ECHS1: variants seen among roughly 807,000 people sequenced by gnomAD.
ECHS1 encodes enoyl-CoA hydratase, short chain 1, also known as enoyl-CoA hydratase, mitochondrial.
In ECHS1, 19 loss-of-function variants were observed where a neutral mutation model predicts 33.5. The ratio of observed to expected loss-of-function variants is 0.57; its 90% confidence interval spans 0.40 to 0.83. The LOEUF is 0.83. ECHS1 is among the 40% of genes least tolerant of loss of function. The probability of loss-of-function intolerance (pLI) is 0.00; values close to 1 mark genes in which losing one functional copy is unlikely to be tolerated. For synonymous variants in ECHS1, 158 were observed against 146.6 expected, an observed-to-expected ratio of 1.08 and a Z score of -0.56; for missense variants, 365 against 381.3, an observed-to-expected ratio of 0.96 and a Z score of 0.36.
chr10:133,366,495 G>C (rs1024465691), intron 5 of ECHS1, among the ~76,000 whole-genome samples: 1 of 152,274 alleles, frequency 6.6e-6, no homozygotes, highest in Non-Finnish European at 1.5e-5. Context: ...CGTACATACA[G>C]TACTTCAAAA....
intron 1 of ECHS1, 136 bp from the exon 2 acceptor site, chr10:133,370,893 A>C: frequency 2.7e-6 from 2 of 742,010 alleles, no homozygotes; most frequent in Non-Finnish European, 4.2e-6. Context: ...CCGAGTCCTC[A>C]GTGGCTCCAG....
chr10:133,368,841 T>G, intron 4 of ECHS1, 82 bp downstream of exon 4: 1 of 1,319,758 alleles, frequency 7.6e-7, no homozygotes, highest in Non-Finnish European at 1.1e-6. Context: ...TCTGGTCAGA[T>G]ATGAGCTGTG....
In ECHS1 at chr10:133,368,841, T is replaced by C. The variant is rs3761858; in HGVS notation, c.514+82A>G. 0.013 allele frequency: 17,677 copies of C among 1,319,682 alleles called. 1,039 individuals are homozygous for C. In the African/African-American group the frequency reaches 0.16, roughly 12 times the overall value. 81.7% of individuals were successfully genotyped at this position (1,319,682 alleles called of 1,614,324 possible). ...TGTCCATCCAGGGCCTCTGGTCAGA[T>C]ATGAGCTGTGGGCCCTGAGACACAG... is the stretch of plus-strand genomic sequence containing the variant. On this transcript the variant is annotated intron_variant, in intron 4 of 7. Transcript: ENST00000368547.
chr10:133,362,518 G>T lies in ECHS1; in HGVS notation c.*350C>A. The T allele has an allele frequency of 2.8e-6, 1 of 356,012 alleles. No individual in the cohort carries two copies. The highest frequency in any genetic ancestry group is 5.2e-6 in the Non-Finnish European group (1 of 191,478). The allele number at this position is 356,012 out of a possible 1,614,324, so 22.1% of individuals were successfully genotyped here. On this transcript the variant is annotated 3_prime_UTR_variant, in exon 8 of 8. Transcript: ENST00000368547. ...ATCGCTATCACTTTAATCAGCATCTGTATGAAGGCAGCAGACAGCGTTTCC... is the reference window on the plus strand; with the variant it reads ...ATCGCTATCACTTTAATCAGCATCTTTATGAAGGCAGCAGACAGCGTTTCC...
At chr10:133,362,968 C>A (rs372224994) in intron 7 of ECHS1, 35 bp from the exon 8 acceptor site, 2 of 1,610,194 alleles carry the variant, frequency 1.2e-6, no homozygotes, top group Non-Finnish European at 1.7e-6. Context: ...GAGCTGGACG[C>A]GCAGTATCCT....
chr10:133,366,037 T>G lies in ECHS1; in HGVS notation c.678A>C (p.Ala226=). ...TTTTAGAATTGCTGGCAATTTTTTC[T>G]GCACACTGGATGGCTTCTTCCACCA... ...ETLVEEAIQC[A]EKIASNSKIV... Residue 226 remains alanine (A), a synonymous_variant, in exon 6 of 8, where the codon GCA becomes GCC. Coordinates refer to ENST00000368547, the MANE Select transcript of ECHS1 (RefSeq NM_004092.4). The G allele has an allele frequency of 6.2e-7, 1 of 1,614,048 alleles. No individual in the cohort carries two copies. The highest frequency in any genetic ancestry group is 8.5e-7 in the Non-Finnish European group (1 of 1,180,016).
chr10:133,368,866 G>A, intron 4 of ECHS1, 57 bp downstream of exon 4: 2 of 1,524,894 alleles, frequency 1.3e-6, no homozygotes, highest in Non-Finnish European at 1.8e-6. Flanking sequence ...CTGAGACACA[G>A]GCAGATTTTG....
intron 1 of ECHS1, 57 bp from the exon 2 acceptor site, chr10:133,370,814 G>A: frequency 6.5e-7 from 1 of 1,544,426 alleles, no homozygotes; most frequent in African/African-American, 1.4e-5. Flanking sequence ...ACTGGGGAGA[G>A]TGGGGGAAGG....
chr10:133,367,323 C>CA lies in ECHS1; in HGVS notation c.515-331dup, dbSNP rs551775980. On this transcript the variant is annotated intron_variant, in intron 4 of 7. Transcript: ENST00000368547. ...AATTAGATATAGAGATGATCATGGA[C>CA]ATTATCAATCATTAGTATAAACATT... 6.6e-3 allele frequency among the ~76,000 whole-genome samples: 950 copies of CA among 144,720 alleles called. 55 individuals carry two copies. The highest frequency in any genetic ancestry group is 0.026 in the African/African-American group (881 of 34,538). 94.9% of individuals were successfully genotyped at this position (144,720 alleles called of 152,430 possible).
At chr10:133,371,209 G>A (rs1164757611) in intron 1 of ECHS1, among the ~76,000 whole-genome samples, 1 of 152,074 alleles carries the variant, frequency 6.6e-6, no homozygotes, top group Non-Finnish European at 1.5e-5. Flanking sequence ...CCCAGGAGGT[G>A]GAGCTTGCAG....
intron 4 of ECHS1, 80 bp downstream of exon 4, chr10:133,368,843 T>G: frequency 7.5e-7 from 1 of 1,336,464 alleles, no homozygotes; most frequent in Non-Finnish European, 1.1e-6. Flanking sequence ...TGGTCAGATA[T>G]GAGCTGTGGG....
intron 7 of ECHS1, 77 bp from the exon 8 acceptor site, chr10:133,363,010 C>G: frequency 1.3e-6 from 2 of 1,542,816 alleles, no homozygotes; most frequent in Non-Finnish European, 1.8e-6. Context: ...CCGCCCGTCT[C>G]TCCCTGGCTC....
At chr10:133,371,423 A>G (rs532058745) in intron 1 of ECHS1, 1 of 153,508 alleles carries the variant, frequency 6.5e-6, no homozygotes, top group African/African-American at 2.4e-5. Context: ...GGCACCAGGA[A>G]ACACCTTCTT....
rs768233927 is a variant in ECHS1 at position 133,373,298 on chromosome 10, G to A, written c.36C>T (p.Arg12=). The A allele has an allele frequency of 7.4e-6, 11 of 1,488,434 alleles. No individual in the cohort carries two copies. Among genetic ancestry groups the A allele is most frequent in the African/African-American group, 2.9e-5 (2 of 68,892 alleles). 92.2% of individuals were successfully genotyped at this position (1,488,434 alleles called of 1,614,324 possible). ...AGCGAACCGGGGGCCTCAGCGGGCC[G>A]CGGACGCAGGACAGCAGGACACGCA... ...AALRVLLSCV[R]GPLRPPVRCP... The change falls in exon 1 of 8, where the codon CGC becomes CGT. Residue 12 remains arginine (R), a synonymous_variant. Coordinates refer to ENST00000368547, the MANE Select transcript of ECHS1 (RefSeq NM_004092.4).
intron 4 of ECHS1, among the ~76,000 whole-genome samples, chr10:133,368,591 C>T (rs151140655): frequency 6.6e-6 from 1 of 152,294 alleles, no homozygotes; most frequent in African/African-American, 2.4e-5. Context: ...TGCAGAGCTC[C>T]CAGTGCCACC....
intron 4 of ECHS1, 113 bp from the exon 5 acceptor site, chr10:133,367,106 C>CT: frequency 1.2e-6 from 1 of 827,642 alleles, no homozygotes; most frequent in Non-Finnish European, 1.9e-6. Flanking sequence ...GAGACTAGGT[C>CT]CAGGGGTCAG....
rs754145676 is a variant in ECHS1 at position 133,370,660 on chromosome 10, G to A, written c.186C>T (p.Cys62=). ...LNRPKALNAL[C]DGLIDELNQA... ...GGTTGAGCTCGTCAATCAGGCCATC[G>A]CAAAGTGCATTGAGGGCCTTGGGGC... is the stretch of plus-strand genomic sequence containing the variant. The change falls in exon 2 of 8, where the codon TGC becomes TGT. Residue 62 remains cysteine (C), a synonymous_variant. Transcript: ENST00000368547. 17 of 1,613,094 alleles carry A rather than the reference G, an allele frequency of 1.1e-5. No individual in the cohort carries two copies. Among genetic ancestry groups the A allele is most frequent in the African/African-American group, 4.0e-5 (3 of 74,938 alleles).
Position 133,369,920 on chromosome 10 carries a change from G to A in ECHS1, c.398C>T (p.Ala133Val). ...AACACTCACGGCATAGCCATTGACA[G>A]CAGCGATGACTGGCTTCTTGACCTG... ...LTQVKKPVIA[A>V]VNGYAFGGGC... Residue 133 changes from alanine (A) to valine (V), a missense_variant, in exon 3 of 8, where the codon GCT (alanine) becomes GTT (valine). Physicochemically the swap from Ala to Val is moderately conservative, Grantham distance 64. Transcript: ENST00000368547. 1.9e-6 allele frequency: 3 copies of A among 1,613,744 alleles called. No individual in the cohort carries two copies. The highest frequency in any genetic ancestry group is 2.5e-6 in the Non-Finnish European group (3 of 1,179,952).
intron 1 of ECHS1, among the ~76,000 whole-genome samples, chr10:133,372,412 G>A (rs939830696): frequency 6.6e-6 from 1 of 152,222 alleles, no homozygotes; most frequent in Non-Finnish European, 1.5e-5. Flanking sequence ...CTGGGGAGGA[G>A]GTGTCAGCTT....
Sources: gnomAD v4.1 joint callset for allele counts (sites outside exome capture counted in the v4.1 genomes callset) on GRCh38, gnomAD v4.1.1 for gene constraint, MANE v1.5 for transcripts, NCBI Gene and HGNC (gene_info 2026-07-23, HGNC 2026-07-21) for gene names.